Variants in COL8A1 observed in about 807,000 individuals in gnomAD.
COL8A1 encodes collagen alpha-1(VIII) chain.
In COL8A1, 21 loss-of-function variants were observed where a neutral mutation model predicts 42.7. The ratio of observed to expected loss-of-function variants is 0.49; its 90% CI spans 0.35 to 0.71. The LOEUF (loss-of-function observed/expected upper bound fraction) is 0.71, where lower values mean the gene tolerates loss of function less well. COL8A1 is among the 30% of genes least tolerant of loss of function. COL8A1 has a pLI of 0.01. For synonymous variants in COL8A1, 367 were observed against 369.1 expected, an observed-to-expected ratio of 0.99 and a Z score of 0.06; for missense variants, 788 against 962.4, an observed-to-expected ratio of 0.82 and a Z score of 2.40.
chr3:99,751,854 T>C (rs1245434689), intron 2 of COL8A1, among the ~76,000 whole-genome samples: 1 of 152,308 alleles, frequency 6.6e-6, no homozygotes, highest in African/African-American at 2.4e-5. Flanking sequence ...GCTTCCTTTC[T>C]TTAGTGAGTC....
intron 1 of COL8A1, among the ~76,000 whole-genome samples, chr3:99,651,610 C>A (rs947522561): frequency 2.0e-5 from 3 of 152,236 alleles, no homozygotes; most frequent in Non-Finnish European, 4.4e-5. Flanking sequence ...AAATCCTGTA[C>A]CTGGCAAAGC....
chr3:99,696,890 C>G (rs4536867), intron 1 of COL8A1, among the ~76,000 whole-genome samples: 21,627 of 151,474 alleles, frequency 0.14, 1,822 homozygotes, highest in African/African-American at 0.23. Context: ...CTTAAACCCA[C>G]TTTTTTCTTG....
intron 1 of COL8A1, among the ~76,000 whole-genome samples, chr3:99,670,945 GGTGTGT>G (rs57998251): frequency 4.0e-5 from 6 of 149,374 alleles, no homozygotes; most frequent in Non-Finnish European, 7.5e-5. Flanking sequence ...GCTCATCCGG[GGTGTGT>G]GTGTGTGTGT....
rs569466298 is a variant in COL8A1, at chr3:99,672,239, T to C, written c.-129+33575T>C. 2.5e-4 allele frequency among the ~76,000 whole-genome samples: 38 copies of C among 152,170 alleles called. No individual in the cohort carries two copies. In the Middle Eastern group the frequency reaches 0.01, roughly 41 times the overall value. On this transcript the variant is annotated intron_variant, in intron 1 of 3. Coordinates refer to ENST00000652472, the MANE Select transcript of COL8A1 (RefSeq NM_020351.4). The stretch of plus-strand genomic sequence containing the variant: ...GAAAAGAGAGGTAGAACACCTATTC[T>C]CTGTTTCAATTTCTAAATTTCTTAT...
intron 1 of COL8A1, among the ~76,000 whole-genome samples, chr3:99,721,697 CCTTT>C (rs1364510633): frequency 6.6e-6 from 1 of 152,018 alleles, no homozygotes; most frequent in Non-Finnish European, 1.5e-5. Context: ...ATTCAAACTT[CCTTT>C]GTTTAATTAG....
At chr3:99,793,157 A>G (rs1180679508) in intron 3 of COL8A1, among the ~76,000 whole-genome samples, 1 of 152,206 alleles carries the variant, frequency 6.6e-6, no homozygotes, top group Admixed American at 6.5e-5. Context: ...TGATGATGAA[A>G]GGTTTAAAGC....
In COL8A1 at chr3:99,703,288, G is replaced by A. The variant is rs754420363; in HGVS notation, c.-128-41609G>A. ...ACGTCTCACAAGCTATGAGATTTGCGCTGTTTCCCATTTTACAGATGACAA... is the reference window on the plus strand; with the variant it reads ...ACGTCTCACAAGCTATGAGATTTGCACTGTTTCCCATTTTACAGATGACAA... On this transcript the variant is annotated intron_variant, in intron 1 of 3. Transcript: ENST00000652472. 8 of 152,294 alleles carry A rather than the reference G, an allele frequency of 5.3e-5. No homozygotes were observed. In the South Asian group the frequency reaches 6.2e-4, roughly 12 times the overall value. The allele number at this position is 152,294 out of a possible 1,614,324, so 9.4% of individuals were successfully genotyped here.
At chr3:99,717,229 C>A (rs963280054) in intron 1 of COL8A1, among the ~76,000 whole-genome samples, 2 of 151,936 alleles carry the variant, frequency 1.3e-5, no homozygotes, top group African/African-American at 4.8e-5. Context: ...ATTATTGGCA[C>A]AAAATAGGCA....
At chr3:99,710,073 CAA>C (rs1939792439) in intron 1 of COL8A1, among the ~76,000 whole-genome samples, 1 of 152,174 alleles carries the variant, frequency 6.6e-6, no homozygotes, top group African/African-American at 2.4e-5. Flanking sequence ...TGCATTTCAT[CAA>C]GAGTATGCAT....
intron 1 of COL8A1, among the ~76,000 whole-genome samples, chr3:99,694,688 C>T (rs1939318853): frequency 6.6e-6 from 1 of 152,174 alleles, no homozygotes; most frequent in Admixed American, 6.5e-5. Context: ...TTCTTTGCTA[C>T]CTGCAAATCT....
chr3:99,782,610 T>A (rs1270362934), intron 2 of COL8A1, among the ~76,000 whole-genome samples: 2 of 152,178 alleles, frequency 1.3e-5, no homozygotes, highest in Non-Finnish European at 2.9e-5. Context: ...CTGGCTGGTC[T>A]CGAACACCTG....
chr3:99,671,601 C>T (rs769690375), intron 1 of COL8A1, among the ~76,000 whole-genome samples: 6 of 151,978 alleles, frequency 3.9e-5, no homozygotes, highest in African/African-American at 1.4e-4. Context: ...AGTCCCCCAC[C>T]ACCTACCCCA....
At chr3:99,787,512 A>C (rs1470649769) in intron 2 of COL8A1, among the ~76,000 whole-genome samples, 1 of 151,966 alleles carries the variant, frequency 6.6e-6, no homozygotes, top group African/African-American at 2.4e-5. Flanking sequence ...GTTGGTTTTG[A>C]TTTGTCTTTC....
Position 99,798,703 on chromosome 3 carries a change from TCTAA to T in COL8A1, c.*2570_*2573del, listed in dbSNP as rs199527008. On this transcript the variant is annotated 3_prime_UTR_variant, in exon 4 of 4. Coordinates refer to ENST00000652472, the MANE Select transcript of COL8A1 (RefSeq NM_020351.4). The stretch of plus-strand genomic sequence containing the variant: ...GTATGTGTATTATCAGACATAGGTT[TCTAA>T]CTTTTAGATAGAAGAGGAGCAACAT... The T allele has an allele frequency of 6.6e-6, 1 of 152,234 alleles. No individual in the cohort carries two copies. Among genetic ancestry groups the T allele is most frequent in the African/African-American group, 2.4e-5 (1 of 41,472 alleles). The allele number at this position is 152,234 out of a possible 1,614,324, so 9.4% of individuals were successfully genotyped here. A position where few individuals can be genotyped will look rare whatever the true frequency, so the allele number is the denominator to read the frequency against.
intron 1 of COL8A1, among the ~76,000 whole-genome samples, chr3:99,716,681 C>A (rs376820118): frequency 6.6e-6 from 1 of 152,014 alleles, no homozygotes; most frequent in Non-Finnish European, 1.5e-5. Context: ...ACACAAGCCA[C>A]AATTACAGCT....
chr3:99,730,366 G>C (rs1407291841), intron 1 of COL8A1, among the ~76,000 whole-genome samples: 6 of 152,064 alleles, frequency 3.9e-5, no homozygotes, highest in African/African-American at 2.4e-5. Flanking sequence ...CAAAACTCCT[G>C]CCTGATCATC....
At chr3:99,721,703 TTTAA>T (rs1226889664) in intron 1 of COL8A1, among the ~76,000 whole-genome samples, 2 of 152,158 alleles carry the variant, frequency 1.3e-5, no homozygotes, top group Admixed American at 6.5e-5. Flanking sequence ...ACTTCCTTTG[TTTAA>T]TTAGCCATTA....
chr3:99,723,553 T>C (rs1940216982), intron 1 of COL8A1, among the ~76,000 whole-genome samples: 1 of 152,170 alleles, frequency 6.6e-6, no homozygotes, highest in South Asian at 2.1e-4. Flanking sequence ...TTGTAATACA[T>C]TCTTGTTTTA....
At chr3:99,642,719 A>G (rs1937528614) in intron 1 of COL8A1, among the ~76,000 whole-genome samples, 1 of 152,180 alleles carries the variant, frequency 6.6e-6, no homozygotes, top group African/African-American at 2.4e-5. Context: ...TCTCTTTTTA[A>G]TTCTCATAGA....
Sources: gnomAD v4.1 joint callset for allele counts (sites outside exome capture counted in the v4.1 genomes callset) on GRCh38, gnomAD v4.1.1 for gene constraint, MANE v1.5 for transcripts, NCBI Gene and HGNC (gene_info 2026-07-23, HGNC 2026-07-21) for gene names.